The following CASP10 variants were observed in gnomAD, a reference collection of about 807,000 sequenced individuals.
CASP10 encodes the protein caspase 10.
In CASP10, 41 loss-of-function variants were observed where a neutral mutation model predicts 48.5. That is an observed-to-expected ratio of 0.85 (90% CI 0.66 to 1.10). The LOEUF is 1.10. Among genes scored for constraint, CASP10 ranks in the 50% least tolerant of loss-of-function variants. CASP10 has a pLI of 0.00. For missense variants in CASP10, 614 were observed against 614.5 expected (o/e 1.00, Z 0.01); for synonymous variants, 232 against 238.4 (o/e 0.97, Z 0.25).
chr2:201,191,662 C>T (rs906090338), intron 3 of CASP10, among the ~76,000 whole-genome samples: 1 of 152,192 alleles, frequency 6.6e-6, no homozygotes, highest in African/African-American at 2.4e-5. Context: ...TCAGCCAAAA[C>T]GGAAAGGTTC....
intron 9 of CASP10, chr2:201,228,796 A>G: frequency 1.4e-6 from 1 of 732,662 alleles, no homozygotes; most frequent in Non-Finnish European, 2.4e-6. Flanking sequence ...CTGATGAGAA[A>G]TATGAGTCAT....
chr2:201,226,254 A>G (rs141526124), downstream of CASP10, among the ~76,000 whole-genome samples: 993 of 152,320 alleles, frequency 6.5e-3, 14 homozygotes, highest in Non-Finnish European at 4.9e-3. Flanking sequence ...ATACAGCCAC[A>G]GTGAGATAGC....
chr2:201,225,384 A>G (rs1576157055), downstream of CASP10, among the ~76,000 whole-genome samples: 1 of 152,042 alleles, frequency 6.6e-6, no homozygotes, highest in Non-Finnish European at 1.5e-5. Flanking sequence ...TGGGGTAAAA[A>G]CCTTCCATGT....
chr2:201,202,307 G>A (rs1389146298), intron 5 of CASP10, among the ~76,000 whole-genome samples: 4 of 152,138 alleles, frequency 2.6e-5, no homozygotes, highest in African/African-American at 4.8e-5. Flanking sequence ...GCCAGGCTGT[G>A]GGACATTCAC....
intron 9 of CASP10, among the ~76,000 whole-genome samples, chr2:201,227,508 G>C (rs1945803223): frequency 6.6e-6 from 1 of 152,090 alleles, no homozygotes; most frequent in Admixed American, 6.6e-5. Context: ...ACTCCCTTAT[G>C]ACACTTCTGA....
intron 3 of CASP10, among the ~76,000 whole-genome samples, chr2:201,190,350 G>A (rs1459972929): frequency 6.6e-6 from 1 of 152,018 alleles, no homozygotes. Flanking sequence ...AATTCTTGGA[G>A]AATTTTAAAA....
chr2:201,188,743 T>C lies in CASP10; in HGVS notation c.441+944T>C, dbSNP rs138716421. 4.7e-4 allele frequency among the ~76,000 whole-genome samples: 71 copies of C among 152,250 alleles called. No homozygotes were observed. The East Asian group carries it at 0.013, about 28-fold the overall frequency. ...AGGTCAGATCCGTTTGGCAAGACTATAGGTAGTCTTGTTTTTTCATCAGGA... is the reference window on the plus strand; with the variant it reads ...AGGTCAGATCCGTTTGGCAAGACTACAGGTAGTCTTGTTTTTTCATCAGGA... On this transcript the variant is annotated intron_variant, in intron 3 of 9. Transcript: ENST00000286186.
chr2:201,195,450 G>A (rs1011416593), intron 4 of CASP10, among the ~76,000 whole-genome samples: 3 of 151,896 alleles, frequency 2.0e-5, no homozygotes, highest in African/African-American at 7.3e-5. Flanking sequence ...ATCTCTTTTG[G>A]GTGTCAATCA....
At chr2:201,214,877 T>G (rs1203622651) in intron 9 of CASP10, 1 of 152,094 alleles carries the variant, frequency 6.6e-6, no homozygotes, top group African/African-American at 2.4e-5. Context: ...TGATATTAGG[T>G]GGGACTGATA....
downstream of CASP10, among the ~76,000 whole-genome samples, chr2:201,226,367 T>C (rs927994467): frequency 1.7e-4 from 26 of 152,246 alleles, no homozygotes; most frequent in African/African-American, 5.8e-4. Context: ...CTAGGAAATG[T>C]AAATTGACAC....
intron 5 of CASP10, chr2:201,200,658 T>C (rs1944986450): frequency 7.1e-7 from 1 of 1,415,420 alleles, no homozygotes; most frequent in Non-Finnish European, 9.2e-7. Flanking sequence ...AATCTCAGCT[T>C]TGGGAGGCCA....
chr2:201,218,785 C>T lies in CASP10; in HGVS notation c.*1044C>T. 1.0e-6 allele frequency: 1 copy of T among 985,502 alleles called. No individual in the cohort carries two copies. Among genetic ancestry groups the T allele is most frequent in the Middle Eastern group, 5.2e-4 (1 of 1,914 alleles). The allele number at this position is 985,502 out of a possible 1,614,324, so 61.0% of individuals were successfully genotyped here. On this transcript the variant is annotated 3_prime_UTR_variant, in exon 10 of 10. Coordinates refer to ENST00000286186, the MANE Select transcript of CASP10 (RefSeq NM_032977.4). ...CACCCTCTCTCTGATCTCCCCCTTC[C>T]TAAGACTTCTCTTTTGCACATCTAG... is the stretch of plus-strand genomic sequence containing the variant.
rs780712346 is a variant in CASP10, at chr2:201,219,009, C to T, written c.*1268C>T. 8 of 983,190 alleles carry T rather than the reference C, an allele frequency of 8.1e-6. No homozygotes were observed. The highest frequency in any genetic ancestry group is 9.7e-6 in the Non-Finnish European group (8 of 827,874). 60.9% of individuals were successfully genotyped at this position (983,190 alleles called of 1,614,324 possible). On this transcript the variant is annotated 3_prime_UTR_variant, in exon 10 of 10. Transcript: ENST00000286186. ...TTTGGACTGGGTGCGGTGACTCATGCCTGTAATCCCAGTACTCTGGGAAGC... is the reference window on the plus strand; with the variant it reads ...TTTGGACTGGGTGCGGTGACTCATGTCTGTAATCCCAGTACTCTGGGAAGC...
At chr2:201,228,908 T>C (rs767002392) in intron 9 of CASP10, 1 of 1,612,616 alleles carries the variant, frequency 6.2e-7, no homozygotes, top group Admixed American at 1.7e-5. Flanking sequence ...AAAGTTCCCC[T>C]TTTATTTCTC....
intron 2 of CASP10, chr2:201,186,388 G>T: frequency 4.3e-6 from 2 of 462,154 alleles, no homozygotes; most frequent in East Asian, 4.2e-5. Context: ...GCCCACCTCA[G>T]TGTGGCAGAG....
At position 201,187,894 on chromosome 2, in the gene CASP10, A is replaced by G. The variant is rs17860400; in HGVS notation, c.441+95A>G. 56,456 of 893,988 alleles carry G rather than the reference A, an allele frequency of 0.063. 4,683 individuals carry two copies. Among genetic ancestry groups the G allele is most frequent in the African/African-American group, 0.34 (21,193 of 61,550 alleles). The allele number at this position is 893,988 out of a possible 1,614,324, so 55.4% of individuals were successfully genotyped here. On this transcript the variant is annotated intron_variant, in intron 3 of 9. Coordinates refer to ENST00000286186, the MANE Select transcript of CASP10 (RefSeq NM_032977.4). ...GGGTTTTTAGGGAGATTTATTTTTT[A>G]TGGGAGACAGTATCATACAATGGTT...
rs112932298 is a variant in CASP10, at chr2:201,206,598, G to GTA, written c.813+638_813+639dup. ...ATATATATATACTTATATATTAAGT[G>GTA]TATATATATATATACACACACTCAT... On this transcript the variant is annotated intron_variant, in intron 7 of 9. Coordinates refer to ENST00000286186, the MANE Select transcript of CASP10 (RefSeq NM_032977.4). Among the ~76,000 whole-genome samples, 895 of 145,430 alleles carry GTA rather than the reference G, an allele frequency of 6.2e-3. 10 individuals are homozygous for GTA. The highest frequency in any genetic ancestry group is 0.021 in the East Asian group (109 of 5,082).
In CASP10 at chr2:201,218,133, G is replaced by T; in HGVS notation, c.*392G>T. The T allele has an allele frequency of 2.2e-6, 2 of 890,504 alleles. No homozygotes were observed. The highest frequency in any genetic ancestry group is 2.8e-6 in the Non-Finnish European group (2 of 705,474). The allele number at this position is 890,504 out of a possible 1,614,324, so 55.2% of individuals were successfully genotyped here. ...GGAGGGATCTCACTTTGTTGCACAG[G>T]CTGGTTTCAAACTCCTAGGCCCAAG... On this transcript the variant is annotated 3_prime_UTR_variant, in exon 10 of 10. Coordinates refer to ENST00000286186, the MANE Select transcript of CASP10 (RefSeq NM_032977.4).
At chr2:201,202,794 G>T (rs1234220803) in intron 5 of CASP10, among the ~76,000 whole-genome samples, 1 of 152,226 alleles carries the variant, frequency 6.6e-6, no homozygotes, top group Admixed American at 6.5e-5. Context: ...GTCATAGGGG[G>T]AAGGGGGTGA....
Sources: gnomAD v4.1 joint callset for allele counts (sites outside exome capture counted in the v4.1 genomes callset) on GRCh38, gnomAD v4.1.1 for gene constraint, MANE v1.5 for transcripts, NCBI Gene and HGNC (gene_info 2026-07-23, HGNC 2026-07-21) for gene names.